The following ANK2 variants were observed in gnomAD, a reference collection of about 807,000 sequenced individuals.
ANK2 encodes the protein ankyrin-2.
In ANK2, 83 loss-of-function variants were observed where a neutral mutation model predicts 360.5. The ratio of observed to expected loss-of-function variants is 0.23; its 90% CI spans 0.19 to 0.28. ANK2 has a LOEUF of 0.28. Ranked by LOEUF, ANK2 falls within the 10% of genes least tolerant of loss-of-function variation. ANK2 has a pLI of 1.00. For synonymous variants in ANK2, 1,740 were observed against 1,759.5 expected, an observed-to-expected ratio of 0.99 and a Z score of 0.28; for missense variants, 4,201 against 4,795.7, an observed-to-expected ratio of 0.88 and a Z score of 3.66.
chr4:112,764,693 C>G, the ANK2 span, among the ~76,000 whole-genome samples: 2 of 150,624 alleles, frequency 1.3e-5, no homozygotes, highest in South Asian at 4.2e-4. Context: ...TAACTGGTCT[C>G]CTTGAAAAGT....
chr4:113,241,513 A>T (rs1322921596), intron 8 of ANK2, among the ~76,000 whole-genome samples: 1 of 151,986 alleles, frequency 6.6e-6, no homozygotes, highest in African/African-American at 2.4e-5. Flanking sequence ...AATTTTTTAA[A>T]ATTTTTTGTA....
intron 26 of ANK2, among the ~76,000 whole-genome samples, chr4:113,326,597 CTT>C (rs35663441): frequency 0.15 from 23,374 of 151,958 alleles, 3,155 homozygotes; most frequent in African/African-American, 0.37. Context: ...TCTTCTCTCT[CTT>C]CTCTTTCTCT....
At chr4:113,203,686 G>C (rs879572426) in intron 4 of ANK2, among the ~76,000 whole-genome samples, 6 of 152,096 alleles carry the variant, frequency 3.9e-5, no homozygotes, top group Admixed American at 6.5e-5. Flanking sequence ...GCCAGGCATT[G>C]TCTCTAGTGT....
At position 113,163,764 on chromosome 4, in the gene ANK2, C is replaced by CAA. The variant is rs1158530849; in HGVS notation, c.85-10625_85-10624dup. ...GGGCAACAAGAGTGAAACTTCGTCTCAAAAAAAAAAAAAAAAAAAAAAAAA... is the reference window on the plus strand; with the variant it reads ...GGGCAACAAGAGTGAAACTTCGTCTCAAAAAAAAAAAAAAAAAAAAAAAAAAA... On this transcript the variant is annotated intron_variant, in intron 1 of 45. Transcript: ENST00000357077. Among the ~76,000 whole-genome samples, 45 of 55,024 alleles carry CAA rather than the reference C, an allele frequency of 8.2e-4. 1 individual carries two copies. The highest frequency in any genetic ancestry group is 1.6e-3 in the East Asian group (3 of 1,860). 36.1% of individuals were successfully genotyped at this position (55,024 alleles called of 152,430 possible). A position where few individuals can be genotyped will look rare whatever the true frequency, so the allele number is the denominator to read the frequency against.
In ANK2 at chr4:113,358,609, T is replaced by C. The variant is rs1168752344; in HGVS notation, c.9991T>C (p.Ser3331Pro). Reference sequence around the variant, plus strand: ...GAGTTCAGTTTCTGAAGATTTTCTATCCAGTGTAGATGAGGAAAATAAGGC... The same window carrying C: ...GAGTTCAGTTTCTGAAGATTTTCTACCCAGTGTAGATGAGGAAAATAAGGC... ...YESSVSEDFL[S>P]SVDEENKADE... is the part of the protein sequence containing the mutation. The change falls in exon 38 of 46, where the codon TCC (serine) becomes CCC (proline). Residue 3331 changes from serine to proline, a missense_variant. Ser to Pro is a moderately conservative substitution (Grantham distance 74). Around this residue, in one of 4 missense-constraint regions of ANK2, gnomAD observed 2,642 missense variants for 2,714.5 expected, o/e 0.97. Coordinates refer to ENST00000357077, the MANE Select transcript of ANK2 (RefSeq NM_001148.6). The C allele has an allele frequency of 5.6e-6, 9 of 1,614,020 alleles. No individual in the cohort carries two copies. The highest frequency in any genetic ancestry group is 2.2e-5 in the East Asian group (1 of 44,878).
chr4:113,265,135 G>T, intron 14 of ANK2, 140 bp downstream of exon 14: 2 of 663,104 alleles, frequency 3.0e-6, no homozygotes, highest in Non-Finnish European at 2.4e-6. Context: ...CAGTTTTCCA[G>T]AAAAAAAAAA....
chr4:112,765,708 A>G, the ANK2 span, among the ~76,000 whole-genome samples: 17 of 132,328 alleles, frequency 1.3e-4, 1 homozygote, highest in Admixed American at 1.2e-3. Context: ...TTTAGATAGT[A>G]TATGTCTGAG....
chr4:113,357,382 C>A lies in ANK2; in HGVS notation c.8764C>A (p.Pro2922Thr). ...DLAENDEIYD[P>T]QITSPYENVP... ...AGCTGAGAATGATGAAATCTATGAT[C>A]CACAAATCACTAGCCCTTATGAAAA... Residue 2922 changes from proline (P) to threonine (T), a missense_variant, in exon 38 of 46, where the codon CCA becomes ACA. Pro to Thr is a conservative substitution (Grantham distance 38). Coordinates refer to ENST00000357077, the MANE Select transcript of ANK2 (RefSeq NM_001148.6). The A allele has an allele frequency of 6.2e-7, 1 of 1,614,010 alleles. No homozygotes were observed. Among genetic ancestry groups the A allele is most frequent in the South Asian group, 1.1e-5 (1 of 91,084 alleles).
intron 4 of ANK2, among the ~76,000 whole-genome samples, chr4:113,226,884 C>T (rs1380156935): frequency 6.6e-6 from 1 of 152,160 alleles, no homozygotes; most frequent in Non-Finnish European, 1.5e-5. Flanking sequence ...CAGTATCAGC[C>T]TGGGCTGTGG....
intron 2 of ANK2, among the ~76,000 whole-genome samples, chr4:112,949,031 C>A (rs1282237001): frequency 6.6e-6 from 1 of 152,136 alleles, no homozygotes; most frequent in Non-Finnish European, 1.5e-5. Flanking sequence ...TTCAGAGTCC[C>A]CCTCACCCCT....
Position 113,199,003 on chromosome 4 carries a change from C to A in ANK2, c.286-8C>A. 1 of 1,608,016 alleles carries A rather than the reference C, an allele frequency of 6.2e-7. No homozygotes were observed. Among genetic ancestry groups the A allele is most frequent in the Non-Finnish European group, 8.5e-7 (1 of 1,174,854 alleles). On this transcript the variant is annotated splice_region_variant and splice_polypyrimidine_tract_variant and intron_variant, in intron 3 of 45. Transcript: ENST00000357077. ...TTGAACATTTTCTATTTTGTTTCTCCAAAACAGAAGGGAAATACCGCTCTT... is the reference window on the plus strand; with the variant it reads ...TTGAACATTTTCTATTTTGTTTCTCAAAAACAGAAGGGAAATACCGCTCTT...
intron 1 of ANK2, among the ~76,000 whole-genome samples, chr4:113,051,270 C>T (rs1195038675): frequency 1.3e-5 from 2 of 152,118 alleles, no homozygotes; most frequent in East Asian, 1.9e-4. Context: ...TTCAAAATCC[C>T]GTATTTTCTC....
At chr4:113,083,990 G>T (rs978060698) in intron 1 of ANK2, among the ~76,000 whole-genome samples, 1 of 152,142 alleles carries the variant, frequency 6.6e-6, no homozygotes, top group African/African-American at 2.4e-5. Flanking sequence ...GTGAGGGGGT[G>T]AGGATCTTGT....
chr4:113,007,110 A>G (rs775069523), intron 2 of ANK2, among the ~76,000 whole-genome samples: 2 of 152,120 alleles, frequency 1.3e-5, no homozygotes, highest in Non-Finnish European at 2.9e-5. Context: ...AAAATCAGTT[A>G]TTTCTTTTTG....
intron 1 of ANK2, among the ~76,000 whole-genome samples, chr4:112,835,004 T>A (rs1246033749): frequency 6.6e-6 from 1 of 152,184 alleles, no homozygotes; most frequent in Non-Finnish European, 1.5e-5. Flanking sequence ...GACTCCTTCA[T>A]AGGGGGTGCT....
chr4:113,254,907 C>A (rs545740364), intron 10 of ANK2, among the ~76,000 whole-genome samples: 28 of 152,230 alleles, frequency 1.8e-4, no homozygotes, highest in Admixed American at 7.9e-4. Flanking sequence ...CTTTAATAGG[C>A]AAATTGTTTT....
chr4:112,967,959 A>G lies in ANK2; in HGVS notation c.21+63445A>G, dbSNP rs1431721816. ...TTGACCCATTTCATATACCATACAG[A>G]CATCTTTTTTCCTGGTATTTGATAG... On this transcript the variant is annotated intron_variant, in intron 2 of 30. Transcript: ENST00000503271. Among the ~76,000 whole-genome samples the G allele has an allele frequency of 2.6e-5, 4 of 152,196 alleles. 1 individual carries two copies. In the South Asian group the frequency reaches 6.2e-4, roughly 24 times the overall value.
chr4:113,058,907 C>G (rs1015869136), intron 1 of ANK2, among the ~76,000 whole-genome samples: 1 of 152,096 alleles, frequency 6.6e-6, no homozygotes, highest in African/African-American at 2.4e-5. Flanking sequence ...TTAAAAACAA[C>G]AGAAATTTAT....
intron 1 of ANK2, among the ~76,000 whole-genome samples, chr4:113,149,541 A>G (rs993559463): frequency 3.3e-5 from 5 of 152,110 alleles, no homozygotes; most frequent in African/African-American, 1.2e-4. Flanking sequence ...AAAAAATACA[A>G]AATGATTTAG....
Sources: gnomAD v4.1 joint callset for allele counts (sites outside exome capture counted in the v4.1 genomes callset) on GRCh38, gnomAD v4.1.1 for gene constraint, gnomAD v4.1.1 regional missense constraint, MANE v1.5 for transcripts, NCBI Gene and HGNC (gene_info 2026-07-23, HGNC 2026-07-21) for gene names.